The following CSNK2A1 variants were observed in gnomAD, a reference collection of about 807,000 sequenced individuals.
The protein encoded by CSNK2A1 is casein kinase II subunit alpha.
Under a neutral mutation model 62.9 loss-of-function variants are expected in CSNK2A1, and 10 were observed. The ratio of observed to expected loss-of-function variants is 0.16; its 90% CI spans 0.10 to 0.27. The LOEUF (loss-of-function observed/expected upper bound fraction) is 0.27. CSNK2A1 is among the 10% of genes least tolerant of loss of function. The pLI is 1.00. For missense variants in CSNK2A1, 160 were observed against 492.0 expected (o/e 0.33, Z 6.38); for synonymous variants, 124 against 167.8 (o/e 0.74, Z 2.02).
chr20:508,693 T>C (rs1349996950), intron 2 of CSNK2A1, 33 bp from the exon 3 acceptor site: 9 of 695,304 alleles, frequency 1.3e-5, no homozygotes, highest in Non-Finnish European at 2.2e-5. Flanking sequence ...GTCCAAGGAA[T>C]CATTTACAGA....
At chr20:525,388 C>G (rs1428011603) in intron 2 of CSNK2A1, among the ~76,000 whole-genome samples, 4 of 152,114 alleles carry the variant, frequency 2.6e-5, no homozygotes, top group South Asian at 2.1e-4. Context: ...CGCAGTGGCT[C>G]ACGCCTGTAA....
chr20:510,789 T>G (rs940332834), intron 2 of CSNK2A1, among the ~76,000 whole-genome samples: 8 of 152,116 alleles, frequency 5.3e-5, no homozygotes, highest in Non-Finnish European at 7.4e-5. Context: ...TGATCACAGC[T>G]CACTGCAGCC....
At chr20:515,623 TCA>T (rs150313072) in intron 2 of CSNK2A1, among the ~76,000 whole-genome samples, 1 of 150,810 alleles carries the variant, frequency 6.6e-6, no homozygotes, top group Non-Finnish European at 1.5e-5. Flanking sequence ...TACTGCACAT[TCA>T]CACACACACA....
chr20:536,596 C>A (rs1160021325), intron 1 of CSNK2A1, among the ~76,000 whole-genome samples: 1 of 152,176 alleles, frequency 6.6e-6, no homozygotes, highest in Non-Finnish European at 1.5e-5. Flanking sequence ...AGTGGGAGTT[C>A]TTTCCCACTA....
At chr20:485,173 A>G (rs1434345195) in intron 13 of CSNK2A1, among the ~76,000 whole-genome samples, 1 of 127,808 alleles carries the variant, frequency 7.8e-6, no homozygotes, top group Non-Finnish European at 1.6e-5. Context: ...CACTCCTCTT[A>G]GACATGGCTC....
At chr20:501,341 G>A (rs985184484) in intron 4 of CSNK2A1, 14 of 152,372 alleles carry the variant, frequency 9.2e-5, no homozygotes, top group Admixed American at 2.6e-4. Context: ...GGGATTATAG[G>A]CATGAGCCAC....
At chr20:490,794 C>G (rs1183165236) in intron 9 of CSNK2A1, among the ~76,000 whole-genome samples, 3 of 149,126 alleles carry the variant, frequency 2.0e-5, no homozygotes, top group Non-Finnish European at 3.0e-5. Context: ...CAGCCTCCAA[C>G]TCCTGGGCTT....
At position 481,107 on chromosome 20, in the gene CSNK2A1, TTTCATTTATTTA is replaced by T. The variant is rs1434096294; in HGVS notation, c.*2842_*2853del. The T allele has an allele frequency of 1.3e-5, 2 of 152,196 alleles. No individual in the cohort carries two copies. Among genetic ancestry groups the T allele is most frequent in the Non-Finnish European group, 2.9e-5 (2 of 68,046 alleles). 9.4% of individuals were successfully genotyped at this position (152,196 alleles called of 1,614,324 possible). On this transcript the variant is annotated 3_prime_UTR_variant, in exon 14 of 14. Transcript: ENST00000217244. The stretch of plus-strand genomic sequence containing the variant: ...GCATATTGCTCAGGCTGCAGGGACA[TTTCATTTATTTA>T]AATGTTTTTATTAAAAAAAATTAAA...
intron 6 of CSNK2A1, chr20:498,725 T>C (rs1272343833): frequency 1.3e-5 from 2 of 152,184 alleles, no homozygotes; most frequent in African/African-American, 4.8e-5. Flanking sequence ...TCTGTAAAAT[T>C]GGAACTGTGT....
intron 4 of CSNK2A1, chr20:503,487 A>G: frequency 1.5e-5 from 6 of 398,672 alleles, no homozygotes; most frequent in Non-Finnish European, 2.7e-5. Context: ...ATGCACAGGA[A>G]TACTGTGGAA....
intron 1 of CSNK2A1, among the ~76,000 whole-genome samples, chr20:530,096 G>T (rs1438357718): frequency 1.3e-5 from 2 of 152,110 alleles, no homozygotes; most frequent in Non-Finnish European, 2.9e-5. Flanking sequence ...ACCACTATCT[G>T]ATTCCAGAAC....
rs575104770 is a variant in CSNK2A1 at position 524,948 on chromosome 20, C to G, written c.-110+2985G>C. Among the ~76,000 whole-genome samples, 8 of 149,578 alleles carry G rather than the reference C, an allele frequency of 5.3e-5. No homozygotes were observed. The South Asian group carries it at 1.7e-3, about 32-fold the overall frequency. Reference sequence around the variant, plus strand: ...GGGCAACACAGCAAGACTACCATCTCTACAGAAAAATTTAAAAGTTAGCTA... The same window carrying G: ...GGGCAACACAGCAAGACTACCATCTGTACAGAAAAATTTAAAAGTTAGCTA... On this transcript the variant is annotated intron_variant, in intron 2 of 13. Coordinates refer to ENST00000217244, the MANE Select transcript of CSNK2A1 (RefSeq NM_177559.3).
chr20:508,092 C>T (rs1417165742), intron 3 of CSNK2A1: 1 of 175,362 alleles, frequency 5.7e-6, no homozygotes, highest in Non-Finnish European at 1.2e-5. Flanking sequence ...ACGATGACAT[C>T]ACTAGGCCAC....
chr20:485,364 G>A (rs2018075765), intron 13 of CSNK2A1, among the ~76,000 whole-genome samples: 1 of 151,764 alleles, frequency 6.6e-6, no homozygotes, highest in Non-Finnish European at 1.5e-5. Flanking sequence ...TGTATTTCCA[G>A]TAGAGACAGG....
At chr20:492,103 G>A (rs541985277) in intron 9 of CSNK2A1, 151 bp downstream of exon 9, 2 of 625,528 alleles carry the variant, frequency 3.2e-6, no homozygotes, top group African/African-American at 3.7e-5. Context: ...GAATTAAGGT[G>A]ATTTATATTT....
chr20:508,269 C>T, intron 3 of CSNK2A1, 182 bp downstream of exon 3: 4 of 557,712 alleles, frequency 7.2e-6, no homozygotes, highest in South Asian at 2.7e-5. Flanking sequence ...GTTCACTTGC[C>T]AAAGCAACTC....
intron 1 of CSNK2A1, among the ~76,000 whole-genome samples, chr20:535,414 A>T (rs1162901297): frequency 6.6e-6 from 1 of 152,246 alleles, no homozygotes; most frequent in Admixed American, 6.5e-5. Flanking sequence ...AAAGGTAGAC[A>T]ACTCCAAAGC....
chr20:533,623 T>TACAA (rs2019256865), intron 1 of CSNK2A1, among the ~76,000 whole-genome samples: 2 of 152,046 alleles, frequency 1.3e-5, no homozygotes, highest in Admixed American at 1.3e-4. Context: ...CATACATACA[T>TACAA]ACAAAAAAAT....
At chr20:511,070 T>C (rs2018709156) in intron 2 of CSNK2A1, among the ~76,000 whole-genome samples, 1 of 151,984 alleles carries the variant, frequency 6.6e-6, no homozygotes, top group African/African-American at 2.4e-5. Context: ...AACATAAACT[T>C]TATGGCCAGG....
Sources: allele counts gnomAD v4.1 joint callset (sites outside exome capture counted in the v4.1 genomes callset), GRCh38; gene constraint gnomAD v4.1.1; transcripts MANE v1.5; gene names NCBI Gene and HGNC (gene_info 2026-07-23, HGNC 2026-07-21).